STRBP: variants seen among roughly 807,000 people sequenced by gnomAD.
The protein encoded by STRBP is spermatid perinuclear RNA-binding protein.
STRBP carries 13 observed loss-of-function variants against 80.1 expected under a neutral mutation model. The observed-to-expected ratio is 0.16, with a 90% CI of 0.11 to 0.26. The LOEUF (loss-of-function observed/expected upper bound fraction) is 0.26. Ranked by LOEUF, STRBP falls within the 10% of genes least tolerant of loss-of-function variation. The pLI is 1.00. For missense variants in STRBP, 485 were observed against 815.2 expected (o/e 0.59, Z 4.93); for synonymous variants, 284 against 291.2 (o/e 0.98, Z 0.25).
At chr9:123,137,589 G>T (rs1012548151) in intron 14 of STRBP, among the ~76,000 whole-genome samples, 3 of 152,056 alleles carry the variant, frequency 2.0e-5, no homozygotes, top group African/African-American at 7.2e-5. Context: ...TGTATTTTTA[G>T]TAGAGACAGG....
rs2035836744 is a variant in STRBP at position 123,124,855 on chromosome 9, GC to G, written c.*741del. 2 of 985,302 alleles carry G rather than the reference GC, an allele frequency of 2.0e-6. No homozygotes were observed. The highest frequency in any genetic ancestry group is 1.2e-4 in the Admixed American group (2 of 16,258). 61.0% of individuals were successfully genotyped at this position (985,302 alleles called of 1,614,324 possible). On this transcript the variant is annotated 3_prime_UTR_variant, in exon 19 of 19. Coordinates refer to ENST00000348403, the MANE Select transcript of STRBP (RefSeq NM_018387.5). ...GAATGGAACCTTTATCATGGGGATGGCCCTTGTACAACAGGAGTACAAAGGG... is the reference window on the plus strand; with the variant it reads ...GAATGGAACCTTTATCATGGGGATGGCCTTGTACAACAGGAGTACAAAGGG...
chr9:123,142,422 G>A (rs138871201), intron 13 of STRBP, among the ~76,000 whole-genome samples: 4 of 152,244 alleles, frequency 2.6e-5, no homozygotes, highest in Admixed American at 2.0e-4. Context: ...GCAGAATTGT[G>A]AGCCAATTAA....
chr9:123,178,779 T>G (rs556347357), intron 4 of STRBP, among the ~76,000 whole-genome samples: 1 of 152,316 alleles, frequency 6.6e-6, no homozygotes, highest in South Asian at 2.1e-4. Context: ...TCAAAAGGGA[T>G]CCTAAGCAGG....
At chr9:123,213,479 A>G (rs1424820923) in intron 2 of STRBP, 1 of 152,254 alleles carries the variant, frequency 6.6e-6, no homozygotes, top group Non-Finnish European at 1.5e-5. Flanking sequence ...ATACTCAGCT[A>G]CATCTTTTAC....
At chr9:123,179,311 A>C (rs2038355174) in intron 3 of STRBP, 84 bp from the exon 4 acceptor site, 2 of 1,127,756 alleles carry the variant, frequency 1.8e-6, no homozygotes, top group South Asian at 3.0e-5. Context: ...TCTTTAGCCA[A>C]CCCATAGCAC....
chr9:123,144,472 C>T (rs1231106416), intron 13 of STRBP, among the ~76,000 whole-genome samples: 1 of 152,010 alleles, frequency 6.6e-6, no homozygotes, highest in African/African-American at 2.4e-5. Flanking sequence ...AAAATAGCCC[C>T]GCATCAATTC....
At chr9:123,175,858 G>A (rs546906040) in intron 4 of STRBP, among the ~76,000 whole-genome samples, 9 of 152,254 alleles carry the variant, frequency 5.9e-5, no homozygotes, top group African/African-American at 1.4e-4. Context: ...TTCCAAAGGC[G>A]CTGATTGGAT....
chr9:123,202,512 T>G (rs2039363439), intron 2 of STRBP, among the ~76,000 whole-genome samples: 4 of 152,206 alleles, frequency 2.6e-5, no homozygotes, highest in Admixed American at 2.6e-4. Context: ...TTGTTCTGTT[T>G]AAAGAGGTTG....
intron 2 of STRBP, among the ~76,000 whole-genome samples, chr9:123,213,167 A>T (rs151225446): frequency 6.6e-6 from 1 of 152,338 alleles, no homozygotes; most frequent in Non-Finnish European, 1.5e-5. Context: ...TGAAAAGCAC[A>T]GTCTTATATA....
intron 1 of STRBP, among the ~76,000 whole-genome samples, chr9:123,248,273 T>G (rs965769066): frequency 1.1e-4 from 16 of 144,160 alleles, no homozygotes; most frequent in South Asian, 7.0e-4. Flanking sequence ...TTTTTTTTTT[T>G]TTTTTTTTTT....
At position 123,124,959 on chromosome 9, in the gene STRBP, C is replaced by T. The variant is rs2035840312; in HGVS notation, c.*638G>A. On this transcript the variant is annotated 3_prime_UTR_variant, in exon 19 of 19. Coordinates refer to ENST00000348403, the MANE Select transcript of STRBP (RefSeq NM_018387.5). ...AGCACTTTGCTTACAAGTGAATGGGCTTCTAGGGCTAAGTTATTAGTTTTC... is the reference window on the plus strand; with the variant it reads ...AGCACTTTGCTTACAAGTGAATGGGTTTCTAGGGCTAAGTTATTAGTTTTC... 1.0e-6 allele frequency: 1 copy of T among 985,740 alleles called. No individual in the cohort carries two copies. Among genetic ancestry groups the T allele is most frequent in the Non-Finnish European group, 1.2e-6 (1 of 829,912 alleles). The allele number at this position is 985,740 out of a possible 1,614,324, so 61.1% of individuals were successfully genotyped here.
At chr9:123,186,825 TAAA>T (rs10534355) in intron 2 of STRBP, among the ~76,000 whole-genome samples, 5,552 of 142,204 alleles carry the variant, frequency 0.039, 150 homozygotes, top group Admixed American at 0.072. Flanking sequence ...TTTCTTTTTT[TAAA>T]AAAAAAAAAA....
chr9:123,200,809 C>CTGACCTCA (rs1187471517), intron 2 of STRBP, among the ~76,000 whole-genome samples: 2 of 125,074 alleles, frequency 1.6e-5, no homozygotes, highest in Admixed American at 1.0e-4. Context: ...TCTCGATGTC[C>CTGACCTCA]TGACCTCATG....
At chr9:123,224,939 G>A (rs1352533722) in intron 2 of STRBP, among the ~76,000 whole-genome samples, 2 of 152,176 alleles carry the variant, frequency 1.3e-5, no homozygotes, top group East Asian at 1.9e-4. Flanking sequence ...ACTTGCATTA[G>A]TCAAAAACTG....
At chr9:123,214,145 T>TACACACACACACATACACAC (rs2039812887) in intron 2 of STRBP, among the ~76,000 whole-genome samples, 1 of 141,352 alleles carries the variant, frequency 7.1e-6, no homozygotes, top group Admixed American at 7.2e-5. Context: ...TATATATGTA[T>TACACACACACACATACACAC]ACACACACAC....
chr9:123,267,298 A>G (rs1341981731), intron 1 of STRBP, among the ~76,000 whole-genome samples: 1 of 149,846 alleles, frequency 6.7e-6, no homozygotes, highest in Non-Finnish European at 1.5e-5. Context: ...AACACCCTCC[A>G]TTTCACGCAC....
rs530312639 is a variant in STRBP, at chr9:123,144,745, C to T, written c.1338+2110G>A. Among the ~76,000 whole-genome samples, 186 of 152,026 alleles carry T rather than the reference C, an allele frequency of 1.2e-3. 1 individual carries two copies. The highest frequency in any genetic ancestry group is 3.4e-3 in the Middle Eastern group (1 of 294). On this transcript the variant is annotated intron_variant, in intron 13 of 18. Coordinates refer to ENST00000348403, the MANE Select transcript of STRBP (RefSeq NM_018387.5). ...GTAACTTTTAGAAAACAAGACATAA[C>T]ACAAAAAAATCTATGAAGACCTTAG...
At chr9:123,218,527 G>A (rs991818972) in intron 2 of STRBP, among the ~76,000 whole-genome samples, 7 of 150,580 alleles carry the variant, frequency 4.6e-5, no homozygotes, top group Non-Finnish European at 1.0e-4. Flanking sequence ...CCGCCACCGC[G>A]CCCGGCTAAT....
At chr9:123,143,916 G>T (rs1325702747) in intron 13 of STRBP, among the ~76,000 whole-genome samples, 3 of 152,010 alleles carry the variant, frequency 2.0e-5, no homozygotes, top group Non-Finnish European at 4.4e-5. Flanking sequence ...AGAGAGTATC[G>T]GCTGGGCACA....
Sources: gnomAD v4.1 joint callset for allele counts (sites outside exome capture counted in the v4.1 genomes callset) on GRCh38, gnomAD v4.1.1 for gene constraint, MANE v1.5 for transcripts, NCBI Gene and HGNC (gene_info 2026-07-23, HGNC 2026-07-21) for gene names.